LAIR1: variants seen among roughly 807,000 people sequenced by gnomAD.
LAIR1 encodes leukocyte associated immunoglobulin like receptor 1.
A neutral mutation model predicts 32.8 loss-of-function variants in LAIR1; 24 were observed. The ratio of observed to expected loss-of-function variants is 0.73; its 90% confidence interval spans 0.53 to 1.03. The LOEUF is 1.03. LAIR1 is among the 50% of genes least tolerant of loss of function. The pLI is 0.00. For missense variants in LAIR1, 355 were observed against 347.5 expected, an observed-to-expected ratio of 1.02 and a Z score of -0.17; for synonymous variants, 150 against 140.5, an observed-to-expected ratio of 1.07 and a Z score of -0.48.
Position 54,355,669 on chromosome 19 carries a change from G to C in LAIR1, c.718-255C>G, listed in dbSNP as rs1230188209. Among the ~76,000 whole-genome samples the C allele has an allele frequency of 6.6e-6, 1 of 152,186 alleles. No homozygotes were observed. Among genetic ancestry groups the C allele is most frequent in the Non-Finnish European group, 1.5e-5 (1 of 68,020 alleles). On this transcript the variant is annotated intron_variant, in intron 9 of 9. Transcript: ENST00000391742. The surrounding 1 kb of genome is among the most constrained non-coding windows in gnomAD (Gnocchi z 4.7). ...TGTCCCCTCCCTGCCACCCATCCTT[G>C]GATCCCTCCCTCTGGGGGAAGCCGG...
chr19:54,357,018 A>G (rs1468670647), intron 4 of LAIR1, 52 bp from the exon 5 acceptor site: 1 of 1,571,462 alleles, frequency 6.4e-7, no homozygotes, highest in African/African-American at 1.4e-5. Flanking sequence ...AGCTGGACAG[A>G]GAAGGCTCTG....
rs186282217 is a variant in LAIR1, at chr19:54,356,204, G to A, written c.664+26C>T. 72 of 1,604,888 alleles carry A rather than the reference G, an allele frequency of 4.5e-5. No homozygotes were observed. In the East Asian group the frequency reaches 1.0e-3, roughly 23 times the overall value. ...CCAAGTCCCCACTTCCCCATCCCAG[G>A]CCTGTCCCTCCTCCTCCCCCTTTAC... On this transcript the variant is annotated intron_variant, in intron 8 of 9. Coordinates refer to ENST00000391742, the MANE Select transcript of LAIR1 (RefSeq NM_002287.6).
intron 4 of LAIR1, chr19:54,357,417 T>A (rs1365933874): frequency 1.3e-5 from 2 of 156,922 alleles, no homozygotes; most frequent in African/African-American, 4.8e-5. Context: ...CCTTCTGGGT[T>A]CCCACCAGAG....
chr19:54,354,950 T>C lies in LAIR1; in HGVS notation c.*318A>G. 3.5e-6 allele frequency: 1 copy of C among 289,048 alleles called. No homozygotes were observed. Among genetic ancestry groups the C allele is most frequent in the Non-Finnish European group, 6.4e-6 (1 of 156,272 alleles). 17.9% of individuals were successfully genotyped at this position (289,048 alleles called of 1,614,324 possible). ...GGCCTTTAGAACAGGCAGGTGACTT[T>C]AGCTGGGTCTCTGGAAACAGTCAGG... On this transcript the variant is annotated 3_prime_UTR_variant, in exon 10 of 10. Transcript: ENST00000391742.
Position 54,355,396 on chromosome 19 carries a change from A to T in LAIR1, c.736T>A (p.Ser246Thr). ...TDTSALAAGS[S>T]QEVTYAQLDH... is the part of the protein sequence containing the mutation. ...AGCTGAGCATACGTCACCTCCTGGG[A>T]ACTCCCTGCAGCCAGGGCCTAAGAG... Residue 246 changes from serine to threonine, a missense_variant, in exon 10 of 10, where the codon TCC (serine) becomes ACC (threonine). Ser to Thr is a moderately conservative substitution (Grantham distance 58). Coordinates refer to ENST00000391742, the MANE Select transcript of LAIR1 (RefSeq NM_002287.6). This position sits in a 1 kb window ranked among gnomAD's most constrained non-coding sequence, Gnocchi z 4.7. The T allele has an allele frequency of 6.2e-7, 1 of 1,608,638 alleles. No individual in the cohort carries two copies. The highest frequency in any genetic ancestry group is 8.5e-7 in the Non-Finnish European group (1 of 1,177,166).
chr19:54,363,946 T>G (rs1001546092), intron 2 of LAIR1, among the ~76,000 whole-genome samples: 5 of 152,232 alleles, frequency 3.3e-5, no homozygotes, highest in African/African-American at 1.2e-4. Flanking sequence ...ATTTAAAATA[T>G]TCTCATCACA....
At position 54,355,230 on chromosome 19, in the gene LAIR1, T is replaced by G; in HGVS notation, c.*38A>C. 1 of 1,519,626 alleles carries G rather than the reference T, an allele frequency of 6.6e-7. No homozygotes were observed. Among genetic ancestry groups the G allele is most frequent in the Non-Finnish European group, 8.9e-7 (1 of 1,129,156 alleles). 94.1% of individuals were successfully genotyped at this position (1,519,626 alleles called of 1,614,324 possible). On this transcript the variant is annotated 3_prime_UTR_variant, in exon 10 of 10. Transcript: ENST00000391742. The surrounding 1 kb of genome is among the most constrained non-coding windows in gnomAD (Gnocchi z 4.7). ...TGCTTCAGGCTTTTCCTAGAGTGAC[T>G]TTCTACCCTCAGGTGCAGAGGCCAG... is the stretch of plus-strand genomic sequence containing the variant.
upstream of LAIR1, among the ~76,000 whole-genome samples, chr19:54,375,279 C>T (rs888311996): frequency 2.0e-5 from 3 of 152,174 alleles, no homozygotes; most frequent in African/African-American, 7.2e-5. Context: ...CCTCGCCTGC[C>T]GTGCCAAGAC....
upstream of LAIR1, among the ~76,000 whole-genome samples, chr19:54,370,885 C>G (rs978461527): frequency 1.2e-3 from 187 of 150,658 alleles, 2 homozygotes; most frequent in African/African-American, 4.4e-3. Context: ...AAATGTAAAA[C>G]TCATGTCAAA....
chr19:54,364,863 TGCAGC>T lies in LAIR1; in HGVS notation c.-64_-60del. 1 of 1,613,992 alleles carries T rather than the reference TGCAGC, an allele frequency of 6.2e-7. No homozygotes were observed. Among genetic ancestry groups the T allele is most frequent in the Non-Finnish European group, 8.5e-7 (1 of 1,179,920 alleles). ...GCGCACCAATGCAAGGACAGAACTC[TGCAGC>T]AGACACAAGCAGACAGGATGTGCTG... On this transcript the variant is annotated 5_prime_UTR_variant, in exon 1 of 10. Coordinates refer to ENST00000391742, the MANE Select transcript of LAIR1 (RefSeq NM_002287.6). The surrounding 1 kb of genome is among the most constrained non-coding windows in gnomAD (Gnocchi z 4.8).
chr19:54,372,261 C>G (rs1194046055), upstream of LAIR1, among the ~76,000 whole-genome samples: 1 of 151,516 alleles, frequency 6.6e-6, no homozygotes, highest in Non-Finnish European at 1.5e-5. Context: ...AATGAGAGTT[C>G]CCGTTGCTCC....
upstream of LAIR1, among the ~76,000 whole-genome samples, chr19:54,366,613 C>T (rs368901324): frequency 1.3e-5 from 2 of 152,100 alleles, no homozygotes; most frequent in Non-Finnish European, 2.9e-5. Context: ...CTCAGCCTCC[C>T]GATTAGCTGG....
upstream of LAIR1, among the ~76,000 whole-genome samples, chr19:54,375,353 G>A (rs1407935993): frequency 1.3e-5 from 2 of 152,110 alleles, no homozygotes; most frequent in African/African-American, 2.4e-5. Context: ...CGCCCGCCCC[G>A]CTGTGCAGAA....
At chr19:54,361,918 G>A (rs1031489164) in intron 2 of LAIR1, among the ~76,000 whole-genome samples, 33 of 152,022 alleles carry the variant, frequency 2.2e-4, no homozygotes, top group African/African-American at 7.7e-4. Flanking sequence ...TGGGGTGGAG[G>A]AGGAAGGGCG....
rs1342331263 is a variant in LAIR1, at chr19:54,352,514, C to G, written c.*2754G>C. On this transcript the variant is annotated 3_prime_UTR_variant, in exon 10 of 10. Transcript: ENST00000391742. ...GCCCCTGCATCTAATTTTCTGTCTT[C>G]TCTCTGGGCCCTTCCTCTTTCCACT... 1.9e-5 allele frequency: 3 copies of G among 153,848 alleles called. No individual in the cohort carries two copies. In the Admixed American group the frequency reaches 2.0e-4, roughly 10 times the overall value. The allele number at this position is 153,848 out of a possible 1,614,324, so 9.5% of individuals were successfully genotyped here.
intron 3 of LAIR1, chr19:54,360,601 A>AG: frequency 2.1e-6 from 1 of 486,190 alleles, no homozygotes. Flanking sequence ...ATCCTCTTGT[A>AG]GGGGGGTTGC....
chr19:54,365,066 G>A, upstream of LAIR1: 1 of 1,370,850 alleles, frequency 7.3e-7, no homozygotes, highest in South Asian at 1.6e-5. Flanking sequence ...CCGTAAACTA[G>A]TTACCAGATG....
upstream of LAIR1, among the ~76,000 whole-genome samples, chr19:54,374,467 T>C (rs372765645): frequency 5.3e-5 from 8 of 152,142 alleles, no homozygotes; most frequent in South Asian, 1.7e-3. Flanking sequence ...GTTTCCTCTT[T>C]CTCTGAACCG....
At chr19:54,356,069 A>AC (rs1555935011) in intron 8 of LAIR1, 63 bp from the exon 9 acceptor site, 4 of 1,258,946 alleles carry the variant, frequency 3.2e-6, no homozygotes, top group Non-Finnish European at 4.7e-6. Context: ...TCTGCCTGAG[A>AC]CCCCCACCCC....
Sources: gnomAD v4.1 joint callset for allele counts (sites outside exome capture counted in the v4.1 genomes callset) on GRCh38, gnomAD v4.1.1 for gene constraint, Gnocchi (gnomAD v3.1) non-coding constraint, MANE v1.5 for transcripts, NCBI Gene and HGNC (gene_info 2026-07-23, HGNC 2026-07-21) for gene names.